TENM3: variants seen among roughly 807,000 people sequenced by gnomAD.
TENM3 encodes the protein teneurin transmembrane protein 3.
A neutral mutation model predicts 255.1 loss-of-function variants in TENM3; 63 were observed. That is an observed-to-expected ratio of 0.25 (90% confidence interval 0.20 to 0.30). The LOEUF (loss-of-function observed/expected upper bound fraction) is 0.30. Among genes scored for constraint, TENM3 ranks in the 10% least tolerant of loss-of-function variants. The pLI, the probability that TENM3 is intolerant of heterozygous loss-of-function variation, is 1.00. For synonymous variants in TENM3, 1,306 were observed against 1,322.3 expected (o/e 0.99, Z 0.27); for missense variants, 2,929 against 3,461.1 (o/e 0.85, Z 3.86).
intron 3 of TENM3, among the ~76,000 whole-genome samples, chr4:182,371,120 AG>A (rs2150856274): frequency 6.6e-6 from 1 of 152,120 alleles, no homozygotes; most frequent in East Asian, 1.9e-4. Context: ...TCATTCCTTG[AG>A]AAATTGTTCC....
At chr4:181,846,651 T>C in the TENM3 span, among the ~76,000 whole-genome samples, 1 of 152,228 alleles carries the variant, frequency 6.6e-6, no homozygotes, top group African/African-American at 2.4e-5. Flanking sequence ...TTCTTTATTT[T>C]AAAGTAATGG....
chr4:181,466,500 G>A, the TENM3 span, among the ~76,000 whole-genome samples: 37 of 152,130 alleles, frequency 2.4e-4, no homozygotes, highest in African/African-American at 8.0e-4. Flanking sequence ...TACACTTTAC[G>A]GTAATTGGTT....
intron 3 of TENM3, among the ~76,000 whole-genome samples, chr4:182,588,914 AG>A (rs1293464818): frequency 6.6e-6 from 1 of 152,224 alleles, no homozygotes; most frequent in Non-Finnish European, 1.5e-5. Flanking sequence ...ACTTTGGAGC[AG>A]CAACCATTGA....
chr4:181,808,331 A>G, the TENM3 span, among the ~76,000 whole-genome samples: 245 of 152,334 alleles, frequency 1.6e-3, no homozygotes, highest in African/African-American at 5.5e-3. Flanking sequence ...CTGTCACTAA[A>G]TAATGGGTCT....
the TENM3 span, among the ~76,000 whole-genome samples, chr4:181,721,045 G>A: frequency 1.2e-3 from 183 of 151,876 alleles, 2 homozygotes; most frequent in African/African-American, 4.1e-3. Context: ...CAGGGACAGC[G>A]TCTCTGATGA....
chr4:181,629,232 T>A, the TENM3 span, among the ~76,000 whole-genome samples: 1 of 152,202 alleles, frequency 6.6e-6, no homozygotes, highest in Admixed American at 6.5e-5. Context: ...TAAGGAGATT[T>A]TGGGCTGAGA....
intron 12 of TENM3, among the ~76,000 whole-genome samples, chr4:182,695,303 G>A (rs1355690265): frequency 6.6e-6 from 1 of 152,058 alleles, no homozygotes; most frequent in Non-Finnish European, 1.5e-5. Flanking sequence ...TCCTTCATTT[G>A]CACTGGCACC....
At chr4:182,568,030 G>A (rs1363661733) in intron 3 of TENM3, among the ~76,000 whole-genome samples, 1 of 152,138 alleles carries the variant, frequency 6.6e-6, no homozygotes, top group Non-Finnish European at 1.5e-5. Flanking sequence ...TTGTCCTTTT[G>A]AATTTTAGAA....
chr4:182,738,484 G>A lies in TENM3; in HGVS notation c.3319G>A (p.Asp1107Asn). 1.2e-6 allele frequency: 2 copies of A among 1,613,422 alleles called. No homozygotes were observed. Among genetic ancestry groups the A allele is most frequent in the South Asian group, 1.1e-5 (1 of 90,982 alleles). The change falls in exon 18 of 28, where the codon GAT becomes AAT. Residue 1107 changes from aspartate (D) to asparagine (N), a missense_variant. This residue lies in a region of TENM3 where 1,608 missense variants were observed against 1,884.4 expected (regional missense o/e 0.85). Transcript: ENST00000511685. ...TGCCATTCTGCAGGGCTATGAATTG[G>A]ATGCGTCCAACATGGGTGGCTGGAC... ...RTAILQGYEL[D>N]ASNMGGWTLD...
chr4:181,585,410 G>T, the TENM3 span, among the ~76,000 whole-genome samples: 2 of 152,108 alleles, frequency 1.3e-5, no homozygotes, highest in Admixed American at 6.6e-5. Context: ...ATGTTTGGAG[G>T]AAAGGGATCA....
At chr4:181,958,515 A>T in the TENM3 span, among the ~76,000 whole-genome samples, 1 of 152,208 alleles carries the variant, frequency 6.6e-6, no homozygotes, top group African/African-American at 2.4e-5. Context: ...TCTACATCAG[A>T]TAGAGTTTTT....
At chr4:182,784,956 G>A (rs1392852621) in intron 24 of TENM3, among the ~76,000 whole-genome samples, 1 of 152,142 alleles carries the variant, frequency 6.6e-6, no homozygotes, top group African/African-American at 2.4e-5. Flanking sequence ...CCACTGTCTG[G>A]CACTCCCTAG....
the TENM3 span, among the ~76,000 whole-genome samples, chr4:181,760,095 C>T: frequency 6.6e-6 from 1 of 152,018 alleles, no homozygotes; most frequent in Non-Finnish European, 1.5e-5. Context: ...TTTGATGAAA[C>T]AAACTTTAAC....
chr4:182,271,710 C>T (rs774148492), intron 1 of TENM3, among the ~76,000 whole-genome samples: 147 of 152,276 alleles, frequency 9.7e-4, no homozygotes, highest in Non-Finnish European at 1.8e-3. Context: ...AATTGTATAA[C>T]GGTAATTAAT....
At chr4:181,656,053 T>TG in the TENM3 span, among the ~76,000 whole-genome samples, 2 of 152,162 alleles carry the variant, frequency 1.3e-5, no homozygotes, top group Non-Finnish European at 2.9e-5. Context: ...AAACAGCTGA[T>TG]GCAGTTCTTG....
At chr4:182,071,471 A>G in the TENM3 span, among the ~76,000 whole-genome samples, 1 of 141,758 alleles carries the variant, frequency 7.1e-6, no homozygotes, top group Admixed American at 7.2e-5. Flanking sequence ...TTTGAGATGG[A>G]ATCTTGCTCA....
chr4:181,594,711 C>T, the TENM3 span, among the ~76,000 whole-genome samples: 1 of 152,142 alleles, frequency 6.6e-6, no homozygotes, highest in South Asian at 2.1e-4. Context: ...CAATCTATCT[C>T]CTAACCCAGG....
chr4:182,636,432 T>C (rs2152485473), intron 5 of TENM3, among the ~76,000 whole-genome samples: 1 of 152,066 alleles, frequency 6.6e-6, no homozygotes, highest in South Asian at 2.1e-4. Context: ...CTAAAGTAAA[T>C]AACATATGCA....
the TENM3 span, among the ~76,000 whole-genome samples, chr4:181,542,095 A>G: frequency 6.6e-6 from 1 of 152,178 alleles, no homozygotes; most frequent in South Asian, 2.1e-4. Flanking sequence ...TGGAAAGACA[A>G]ATTATAATCA....
Sources: gnomAD v4.1 joint callset for allele counts (sites outside exome capture counted in the v4.1 genomes callset) on GRCh38, gnomAD v4.1.1 for gene constraint, gnomAD v4.1.1 regional missense constraint, MANE v1.5 for transcripts, NCBI Gene and HGNC (gene_info 2026-07-23, HGNC 2026-07-21) for gene names.